CACNA2D1: variants seen among roughly 807,000 people sequenced by gnomAD.
CACNA2D1 encodes the protein calcium voltage-gated channel auxiliary subunit alpha2delta 1, also known as voltage-dependent calcium channel subunit alpha-2/delta-1.
A neutral mutation model predicts 171.5 loss-of-function variants in CACNA2D1; 53 were observed. The ratio of observed to expected loss-of-function variants is 0.31; its 90% CI spans 0.25 to 0.39. The LOEUF is 0.39. CACNA2D1 is among the 10% of genes least tolerant of loss of function. CACNA2D1 has a pLI of 1.00. For missense variants in CACNA2D1, 903 were observed against 1,299.8 expected, an observed-to-expected ratio of 0.69 and a Z score of 4.69; for synonymous variants, 442 against 443.1, an observed-to-expected ratio of 1.00 and a Z score of 0.03.
At chr7:82,154,291 A>C (rs1030215726) in intron 4 of CACNA2D1, among the ~76,000 whole-genome samples, 1 of 152,222 alleles carries the variant, frequency 6.6e-6, no homozygotes, top group Non-Finnish European at 1.5e-5. Flanking sequence ...TGTCAGCAGA[A>C]CGCTCAAATG....
At chr7:82,188,035 T>C (rs779294004) in intron 3 of CACNA2D1, among the ~76,000 whole-genome samples, 1 of 152,168 alleles carries the variant, frequency 6.6e-6, no homozygotes, top group Non-Finnish European at 1.5e-5. Context: ...TTCTATAAAA[T>C]AGAAGCCTCA....
At chr7:82,337,349 A>C (rs1818118178) in intron 2 of CACNA2D1, among the ~76,000 whole-genome samples, 1 of 152,118 alleles carries the variant, frequency 6.6e-6, no homozygotes, top group African/African-American at 2.4e-5. Flanking sequence ...TCTGGTTCCA[A>C]AGACTACAAT....
intron 32 of CACNA2D1, among the ~76,000 whole-genome samples, 188 bp downstream of exon 32, chr7:81,965,406 A>C (rs562014857): frequency 6.6e-6 from 1 of 152,104 alleles, no homozygotes; most frequent in South Asian, 2.1e-4. Flanking sequence ...ATGTAAAATC[A>C]AATAACATAA....
chr7:82,044,821 A>T (rs1562916827), intron 10 of CACNA2D1, among the ~76,000 whole-genome samples: 1 of 152,168 alleles, frequency 6.6e-6, no homozygotes, highest in Non-Finnish European at 1.5e-5. Context: ...CATATTTTTC[A>T]TAGTAGATTT....
chr7:82,268,063 TAAAG>T (rs1368444975), intron 3 of CACNA2D1, among the ~76,000 whole-genome samples: 4 of 152,088 alleles, frequency 2.6e-5, no homozygotes, highest in South Asian at 2.1e-4. Context: ...CAAAAATAAA[TAAAG>T]AATTAACAAT....
intron 1 of CACNA2D1, among the ~76,000 whole-genome samples, chr7:82,394,736 G>T (rs1356456464): frequency 6.6e-6 from 1 of 152,114 alleles, no homozygotes; most frequent in Admixed American, 6.5e-5. Flanking sequence ...AGAAGTAAAA[G>T]AACCAACTGA....
At chr7:82,286,144 C>T (rs755083813) in intron 3 of CACNA2D1, among the ~76,000 whole-genome samples, 1 of 151,990 alleles carries the variant, frequency 6.6e-6, no homozygotes, top group Non-Finnish European at 1.5e-5. Context: ...ATTTGTGTGT[C>T]TGCCAGTAGC....
chr7:82,150,276 CAACAACAA>C (rs1793694754), intron 4 of CACNA2D1, among the ~76,000 whole-genome samples: 4 of 76,958 alleles, frequency 5.2e-5, no homozygotes, highest in South Asian at 7.9e-4. Context: ...AAAACAAAAA[CAACAACAA>C]AAAAAAACAC....
chr7:82,435,767 T>C (rs1830071200), intron 1 of CACNA2D1, among the ~76,000 whole-genome samples: 1 of 152,122 alleles, frequency 6.6e-6, no homozygotes, highest in Non-Finnish European at 1.5e-5. Context: ...TTTAAAAATC[T>C]CAACAGCAAC....
At chr7:82,166,047 C>A (rs1795426345) in intron 4 of CACNA2D1, among the ~76,000 whole-genome samples, 1 of 151,926 alleles carries the variant, frequency 6.6e-6, no homozygotes, top group Admixed American at 6.6e-5. Flanking sequence ...TCCACATATT[C>A]AAAAATGTTT....
chr7:82,066,701 C>T (rs185323190), intron 7 of CACNA2D1, among the ~76,000 whole-genome samples, 177 bp from the exon 8 acceptor site: 31 of 152,126 alleles, frequency 2.0e-4, no homozygotes, highest in African/African-American at 3.4e-4. Context: ...GAAAACAACA[C>T]GGCAGTACAA....
intron 1 of CACNA2D1, among the ~76,000 whole-genome samples, chr7:82,432,802 C>T (rs1239323686): frequency 6.6e-6 from 1 of 152,188 alleles, no homozygotes; most frequent in Non-Finnish European, 1.5e-5. Flanking sequence ...GCTCAATTGC[C>T]AAAGGAAAGA....
chr7:82,006,616 T>C (rs1799145796), intron 16 of CACNA2D1, among the ~76,000 whole-genome samples: 1 of 152,230 alleles, frequency 6.6e-6, no homozygotes, highest in Admixed American at 6.5e-5. Flanking sequence ...GTAAGAAAGT[T>C]GTATCAACAA....
At chr7:82,104,270 T>C (rs548455736) in intron 6 of CACNA2D1, among the ~76,000 whole-genome samples, 3 of 152,186 alleles carry the variant, frequency 2.0e-5, no homozygotes, top group African/African-American at 7.2e-5. Context: ...CAAGAACTTG[T>C]ATTAACAGTA....
At chr7:82,357,612 C>G (rs574414035) in intron 1 of CACNA2D1, among the ~76,000 whole-genome samples, 2 of 150,306 alleles carry the variant, frequency 1.3e-5, no homozygotes, top group Non-Finnish European at 3.0e-5. Flanking sequence ...ACCTTTTTTT[C>G]CATGCCCTTC....
intron 1 of CACNA2D1, among the ~76,000 whole-genome samples, chr7:82,407,865 T>C (rs1827222204): frequency 6.6e-6 from 1 of 152,172 alleles, no homozygotes; most frequent in Non-Finnish European, 1.5e-5. Context: ...TTAGGGATTC[T>C]ATGCCTAATA....
rs1302599308 is a variant in CACNA2D1, at chr7:82,084,818, T to C, written c.609A>G (p.Leu203=). Residue 203 remains leucine, a synonymous_variant, in exon 7 of 39, where the codon TTA becomes TTG. Coordinates refer to ENST00000356860, the MANE Select transcript of CACNA2D1 (RefSeq NM_000722.4). ...FKKNREEDPS[L]LWQVFGSATG... is the part of the protein sequence containing the mutation. ...TGGCACTGCCAAAAACCTGCCACAA[T>C]AATGAAGGGTCTTCCTCGCGATTCT... is the stretch of plus-strand genomic sequence containing the variant. The C allele has an allele frequency of 3.1e-6, 5 of 1,614,030 alleles. No individual in the cohort carries two copies. In the South Asian group the frequency reaches 5.5e-5, roughly 18 times the overall value.
At chr7:82,059,987 G>T (rs1806418801) in intron 10 of CACNA2D1, among the ~76,000 whole-genome samples, 1 of 43,318 alleles carries the variant, frequency 2.3e-5, no homozygotes, top group Non-Finnish European at 4.5e-5. Flanking sequence ...CACACACCAG[G>T]GCCTGTTGTG....
At chr7:82,124,220 G>A (rs1258618439) in intron 5 of CACNA2D1, among the ~76,000 whole-genome samples, 1 of 152,056 alleles carries the variant, frequency 6.6e-6, no homozygotes, top group Non-Finnish European at 1.5e-5. Flanking sequence ...GGGAACCTAA[G>A]GCCAATTCAT....
Sources: gnomAD v4.1 joint callset for allele counts (sites outside exome capture counted in the v4.1 genomes callset) on GRCh38, gnomAD v4.1.1 for gene constraint, MANE v1.5 for transcripts, NCBI Gene and HGNC (gene_info 2026-07-23, HGNC 2026-07-21) for gene names.